The following GABBR2 variants were observed in gnomAD, a reference collection of about 807,000 sequenced individuals.
GABBR2 encodes the protein G-protein coupled receptor 51.
Under a neutral mutation model 105.6 loss-of-function variants are expected in GABBR2, and 23 were observed. The observed-to-expected ratio is 0.22, with a 90% CI of 0.16 to 0.31. The LOEUF (loss-of-function observed/expected upper bound fraction) is 0.31, where lower values mean the gene tolerates loss of function less well. GABBR2 is among the 10% of genes least tolerant of loss of function. The pLI, the probability that GABBR2 is intolerant of heterozygous loss-of-function variation, is 1.00. For synonymous variants in GABBR2, 478 were observed against 499.7 expected (o/e 0.96, Z 0.58); for missense variants, 734 against 1,245.5 (o/e 0.59, Z 6.18).
At chr9:98,701,676 G>C (rs143334373) in intron 1 of GABBR2, among the ~76,000 whole-genome samples, 1 of 152,092 alleles carries the variant, frequency 6.6e-6, no homozygotes, top group Non-Finnish European at 1.5e-5. Flanking sequence ...CAGCCAGCAG[G>C]GGAGAAAGTG....
chr9:98,609,271 C>A (rs1829472214), intron 1 of GABBR2, among the ~76,000 whole-genome samples: 1 of 152,196 alleles, frequency 6.6e-6, no homozygotes, highest in African/African-American at 2.4e-5. Flanking sequence ...CCCACTCCCC[C>A]TTCCAGCCCC....
At chr9:98,446,037 A>G (rs562236846) in intron 7 of GABBR2, among the ~76,000 whole-genome samples, 26 of 152,344 alleles carry the variant, frequency 1.7e-4, no homozygotes, top group African/African-American at 6.3e-4. Context: ...TGGCCACAGG[A>G]GAGAACTCAA....
At chr9:98,493,409 T>A (rs1252364413) in intron 4 of GABBR2, among the ~76,000 whole-genome samples, 1 of 152,200 alleles carries the variant, frequency 6.6e-6, no homozygotes, top group Non-Finnish European at 1.5e-5. Flanking sequence ...GTTTTGGATT[T>A]TGATTCTGTT....
At chr9:98,355,211 T>C (rs1831464277) in intron 13 of GABBR2, among the ~76,000 whole-genome samples, 1 of 152,086 alleles carries the variant, frequency 6.6e-6, no homozygotes, top group Non-Finnish European at 1.5e-5. Flanking sequence ...GTAACAGGAA[T>C]GATCACTGAT....
At chr9:98,321,162 A>G (rs1460016964) in intron 13 of GABBR2, among the ~76,000 whole-genome samples, 1 of 151,978 alleles carries the variant, frequency 6.6e-6, no homozygotes, top group Non-Finnish European at 1.5e-5. Flanking sequence ...CTGAGGCAAT[A>G]TTTCCTGGAT....
At chr9:98,657,975 C>T (rs1830205305) in intron 1 of GABBR2, among the ~76,000 whole-genome samples, 1 of 152,246 alleles carries the variant, frequency 6.6e-6, no homozygotes, top group Non-Finnish European at 1.5e-5. Flanking sequence ...TATAAATCAC[C>T]CAGTCTCAGG....
chr9:98,332,585 G>A (rs117963436), intron 13 of GABBR2, among the ~76,000 whole-genome samples: 11 of 152,348 alleles, frequency 7.2e-5, no homozygotes, highest in Non-Finnish European at 1.3e-4. Context: ...GTTTACAGAT[G>A]CCGCACTGTT....
chr9:98,625,673 C>T (rs772718195), intron 1 of GABBR2, among the ~76,000 whole-genome samples: 6 of 152,202 alleles, frequency 3.9e-5, no homozygotes, highest in Non-Finnish European at 5.9e-5. Flanking sequence ...AGGACTCACA[C>T]ACAGCTATGA....
intron 1 of GABBR2, among the ~76,000 whole-genome samples, chr9:98,643,367 C>T (rs553543343): frequency 6.6e-6 from 1 of 152,218 alleles, no homozygotes; most frequent in Non-Finnish European, 1.5e-5. Flanking sequence ...TTCTGCTCTG[C>T]CATGCTCAAT....
intron 11 of GABBR2, among the ~76,000 whole-genome samples, chr9:98,371,902 C>T (rs1359941986): frequency 6.6e-6 from 1 of 152,198 alleles, no homozygotes; most frequent in Non-Finnish European, 1.5e-5. Flanking sequence ...GGTGATGGTC[C>T]AGCCCTCTGG....
chr9:98,420,705 G>A, intron 7 of GABBR2, among the ~76,000 whole-genome samples: 1 of 152,224 alleles, frequency 6.6e-6, no homozygotes, highest in East Asian at 1.9e-4. Flanking sequence ...TGGAGAGAGG[G>A]TTTCTCAAAG....
rs576894894 is a variant in GABBR2 at position 98,396,936 on chromosome 9, TCAC to T, written c.1298-2684_1298-2682del. On this transcript the variant is annotated intron_variant, in intron 8 of 18. Transcript: ENST00000259455. ...GCAATGTTGGAGGCTCACAGGCGCT[TCAC>T]AAGTTCCTGCATTTAATGCTCATGG... 2.6e-3 allele frequency among the ~76,000 whole-genome samples: 391 copies of T among 152,260 alleles called. 1 individual carries two copies. The highest frequency in any genetic ancestry group is 6.8e-3 in the Middle Eastern group (2 of 294).
At chr9:98,466,633 T>C (rs1826563265) in intron 6 of GABBR2, among the ~76,000 whole-genome samples, 1 of 152,240 alleles carries the variant, frequency 6.6e-6, no homozygotes, top group Non-Finnish European at 1.5e-5. Context: ...CTTTCTACTG[T>C]ATAACCTCAT....
At chr9:98,587,823 G>A (rs1005225325) in intron 1 of GABBR2, among the ~76,000 whole-genome samples, 5 of 152,266 alleles carry the variant, frequency 3.3e-5, no homozygotes, top group Middle Eastern at 3.4e-3. Flanking sequence ...AGGCAAAATT[G>A]TTTAATGGTG....
chr9:98,404,777 C>T (rs1832460068), intron 8 of GABBR2, among the ~76,000 whole-genome samples: 1 of 152,004 alleles, frequency 6.6e-6, no homozygotes, highest in Admixed American at 6.6e-5. Flanking sequence ...CTGACAGCAA[C>T]AGAAAGTTCA....
chr9:98,696,102 A>C (rs1830747347), intron 1 of GABBR2, among the ~76,000 whole-genome samples: 1 of 152,250 alleles, frequency 6.6e-6, no homozygotes, highest in African/African-American at 2.4e-5. Flanking sequence ...GGCTGTGATA[A>C]GCAGTAGAAA....
At chr9:98,485,570 C>A (rs1177582208) in intron 4 of GABBR2, among the ~76,000 whole-genome samples, 1 of 152,052 alleles carries the variant, frequency 6.6e-6, no homozygotes, top group Admixed American at 6.6e-5. Flanking sequence ...AAGGATAACC[C>A]AATTCAAAGA....
chr9:98,594,388 G>A (rs1829198969), intron 1 of GABBR2, among the ~76,000 whole-genome samples: 1 of 152,206 alleles, frequency 6.6e-6, no homozygotes, highest in African/African-American at 2.4e-5. Context: ...ACGGAAGAAT[G>A]TGAGGCCTCT....
At chr9:98,311,371 T>C (rs769953533) in intron 13 of GABBR2, among the ~76,000 whole-genome samples, 166 bp from the exon 14 acceptor site, 27 of 152,166 alleles carry the variant, frequency 1.8e-4, no homozygotes, top group Non-Finnish European at 1.5e-4. Context: ...AGCCCAGGCC[T>C]CAACTAGCGT....
Sources: gnomAD v4.1 joint callset for allele counts (sites outside exome capture counted in the v4.1 genomes callset) on GRCh38, gnomAD v4.1.1 for gene constraint, MANE v1.5 for transcripts, NCBI Gene and HGNC (gene_info 2026-07-23, HGNC 2026-07-21) for gene names.